CDKAL1: variants seen among roughly 807,000 people sequenced by gnomAD.
CDKAL1 encodes the protein CDKAL1 threonylcarbamoyladenosine tRNA methylthiotransferase.
Under a neutral mutation model 68.2 loss-of-function variants are expected in CDKAL1, and 32 were observed. That is an observed-to-expected ratio of 0.47 (90% confidence interval 0.35 to 0.63). The LOEUF is 0.63. Among genes scored for constraint, CDKAL1 ranks in the 30% least tolerant of loss-of-function variants. The pLI is 0.00. For synonymous variants in CDKAL1, 234 were observed against 244.3 expected, an observed-to-expected ratio of 0.96 and a Z score of 0.39; for missense variants, 606 against 696.7, an observed-to-expected ratio of 0.87 and a Z score of 1.47.
intron 13 of CDKAL1, among the ~76,000 whole-genome samples, chr6:21,189,969 C>A (rs577486707): frequency 6.6e-6 from 1 of 152,270 alleles, no homozygotes; most frequent in East Asian, 1.9e-4. Flanking sequence ...CAAGACCATA[C>A]TTTTCTCCAA....
chr6:21,082,717 C>T (rs920959821), intron 12 of CDKAL1, among the ~76,000 whole-genome samples: 1 of 151,998 alleles, frequency 6.6e-6, no homozygotes, highest in Non-Finnish European at 1.5e-5. Flanking sequence ...ACAAAGACCT[C>T]CAGTACAAGT....
intron 9 of CDKAL1, among the ~76,000 whole-genome samples, chr6:20,908,736 A>AT (rs1762337700): frequency 6.6e-6 from 1 of 152,260 alleles, no homozygotes; most frequent in African/African-American, 2.4e-5. Flanking sequence ...CTTCTAATGA[A>AT]TAGACTGCAT....
chr6:21,179,633 T>C (rs1310643374), intron 13 of CDKAL1, among the ~76,000 whole-genome samples: 1 of 152,360 alleles, frequency 6.6e-6, no homozygotes, highest in East Asian at 1.9e-4. Flanking sequence ...TATTTTAAGC[T>C]GTTATTACCT....
At chr6:20,913,156 C>CACAT (rs1762548933) in intron 9 of CDKAL1, among the ~76,000 whole-genome samples, 1 of 140,312 alleles carries the variant, frequency 7.1e-6, no homozygotes, top group African/African-American at 2.5e-5. Context: ...CACACACACA[C>CACAT]ACATTACCAC....
At chr6:21,007,144 A>T (rs964090565) in intron 11 of CDKAL1, among the ~76,000 whole-genome samples, 1 of 152,110 alleles carries the variant, frequency 6.6e-6, no homozygotes, top group African/African-American at 2.4e-5. Context: ...GAATGGTTAG[A>T]AAGAGTTGTT....
At position 21,214,313 on chromosome 6, in the gene CDKAL1, T is replaced by TTA. The variant is rs72236745; in HGVS notation, c.1548+13054_1548+13055dup. On this transcript the variant is annotated intron_variant, in intron 15 of 15. Coordinates refer to ENST00000274695, the MANE Select transcript of CDKAL1 (RefSeq NM_017774.3). ...ACTTCAAAATTGTTCAAATGTTATT[T>TTA]TATATATATATATATACATACCATA... 2.4e-3 allele frequency among the ~76,000 whole-genome samples: 362 copies of TTA among 149,938 alleles called. 1 individual carries two copies. Among genetic ancestry groups the TTA allele is most frequent in the Middle Eastern group, 7.0e-3 (2 of 284 alleles).
chr6:20,605,750 A>G (rs1766306704), intron 4 of CDKAL1, among the ~76,000 whole-genome samples: 1 of 152,100 alleles, frequency 6.6e-6, no homozygotes, highest in Non-Finnish European at 1.5e-5. Flanking sequence ...TCAGTCGTGA[A>G]ATTTTCATGA....
intron 5 of CDKAL1, among the ~76,000 whole-genome samples, chr6:20,672,340 C>A (rs991535895): frequency 2.0e-5 from 3 of 150,766 alleles, no homozygotes; most frequent in Non-Finnish European, 4.4e-5. Context: ...CTCTGTCTCT[C>A]TCTCTCTCTT....
At chr6:20,962,804 G>T (rs943797493) in intron 10 of CDKAL1, among the ~76,000 whole-genome samples, 4 of 152,158 alleles carry the variant, frequency 2.6e-5, no homozygotes, top group Admixed American at 2.6e-4. Flanking sequence ...GCAAGGAAAT[G>T]GAAAGGAAAA....
intron 11 of CDKAL1, among the ~76,000 whole-genome samples, chr6:21,059,805 G>A (rs1312738136): frequency 6.6e-6 from 1 of 152,042 alleles, no homozygotes; most frequent in East Asian, 1.9e-4. Context: ...AGTGGTTTCT[G>A]GTTACATGGA....
rs144010529 is a variant in CDKAL1, at chr6:20,558,076, A to G, written c.286+9371A>G. 5.8e-3 allele frequency among the ~76,000 whole-genome samples: 889 copies of G among 152,328 alleles called. 14 individuals carry two copies. Among genetic ancestry groups the G allele is most frequent in the African/African-American group, 0.02 (825 of 41,574 alleles). On this transcript the variant is annotated intron_variant, in intron 4 of 15. Coordinates refer to ENST00000274695, the MANE Select transcript of CDKAL1 (RefSeq NM_017774.3). ...ATTAAGTTCTAATATTTTTCTGCAC[A>G]TTTTGGCCACTATTATTTCATGTAG...
At position 21,000,607 on chromosome 6, in the gene CDKAL1, A is replaced by T. The variant is rs571691313; in HGVS notation, c.1055+235A>T. Among the ~76,000 whole-genome samples, 5 of 152,274 alleles carry T rather than the reference A, an allele frequency of 3.3e-5. No homozygotes were observed. In the South Asian group the frequency reaches 1.0e-3, roughly 32 times the overall value. ...CACCATTAATTTGTGTAAGATTGCCAGTCTTTTTAAGGTAATGTGAATTGT... is the reference window on the plus strand; with the variant it reads ...CACCATTAATTTGTGTAAGATTGCCTGTCTTTTTAAGGTAATGTGAATTGT... On this transcript the variant is annotated intron_variant, in intron 11 of 15. Coordinates refer to ENST00000274695, the MANE Select transcript of CDKAL1 (RefSeq NM_017774.3).
intron 10 of CDKAL1, among the ~76,000 whole-genome samples, chr6:20,962,143 A>G (rs552115643): frequency 1.1e-4 from 16 of 152,248 alleles, no homozygotes; most frequent in Non-Finnish European, 2.1e-4. Context: ...ATATATTTTT[A>G]AACATATTAC....
At chr6:20,642,886 GAGAC>G (rs1400460461) in intron 4 of CDKAL1, among the ~76,000 whole-genome samples, 2 of 149,588 alleles carry the variant, frequency 1.3e-5, no homozygotes, top group Non-Finnish European at 3.0e-5. Context: ...GCGACACAGT[GAGAC>G]TTTGTCTCAA....
intron 15 of CDKAL1, among the ~76,000 whole-genome samples, chr6:21,205,244 T>C (rs1778858548): frequency 6.6e-6 from 1 of 152,228 alleles, no homozygotes; most frequent in Non-Finnish European, 1.5e-5. Flanking sequence ...CTGTTATGAA[T>C]AATATTTGCT....
At chr6:20,868,776 G>C (rs897890287) in intron 9 of CDKAL1, among the ~76,000 whole-genome samples, 1 of 152,212 alleles carries the variant, frequency 6.6e-6, no homozygotes, top group Admixed American at 6.5e-5. Flanking sequence ...ACCCTCTGCG[G>C]TTTTATCAGC....
At chr6:21,032,862 A>G (rs1769373061) in intron 11 of CDKAL1, among the ~76,000 whole-genome samples, 1 of 152,216 alleles carries the variant, frequency 6.6e-6, no homozygotes, top group Admixed American at 6.5e-5. Context: ...CATTTAAGTG[A>G]TGCATGACTG....
At chr6:21,011,409 A>G (rs765131628) in intron 11 of CDKAL1, among the ~76,000 whole-genome samples, 2 of 152,142 alleles carry the variant, frequency 1.3e-5, no homozygotes, top group Admixed American at 6.5e-5. Context: ...AGATCTGACC[A>G]ATTTGAATTC....
chr6:20,588,712 T>C (rs980145335), intron 4 of CDKAL1, among the ~76,000 whole-genome samples: 1 of 152,204 alleles, frequency 6.6e-6, no homozygotes, highest in Non-Finnish European at 1.5e-5. Flanking sequence ...TCAAACTTTA[T>C]CATTTTCGAA....
Sources: allele counts gnomAD v4.1 joint callset (sites outside exome capture counted in the v4.1 genomes callset), GRCh38; gene constraint gnomAD v4.1.1; transcripts MANE v1.5; gene names NCBI Gene and HGNC (gene_info 2026-07-23, HGNC 2026-07-21).